The following GLIS3 variants were observed in gnomAD, a reference collection of about 807,000 sequenced individuals.
GLIS3 encodes zinc finger protein GLIS3.
In GLIS3, 53 loss-of-function variants were observed where a neutral mutation model predicts 78.6. The observed-to-expected ratio is 0.67, with a 90% confidence interval of 0.54 to 0.85. The LOEUF is 0.85. GLIS3 is among the 40% of genes least tolerant of loss of function. The pLI, the probability that GLIS3 is intolerant of heterozygous loss-of-function variation, is 0.00. For missense variants in GLIS3, 1,703 were observed against 1,231.1 expected (o/e 1.38, Z -5.74); for synonymous variants, 684 against 509.9 (o/e 1.34, Z -4.60).
intron 4 of GLIS3, among the ~76,000 whole-genome samples, chr9:4,049,165 A>G (rs1825499182): frequency 6.6e-6 from 1 of 152,210 alleles, no homozygotes; most frequent in South Asian, 2.1e-4. Flanking sequence ...CTGCACCTGG[A>G]TAGGAACTAC....
intron 4 of GLIS3, among the ~76,000 whole-genome samples, chr9:4,019,897 C>T (rs1433021964): frequency 6.6e-6 from 1 of 151,934 alleles, no homozygotes; most frequent in Middle Eastern, 3.2e-3. Context: ...AGGTGCATGC[C>T]ACTTAAAAAA....
the GLIS3 span, among the ~76,000 whole-genome samples, chr9:4,372,884 T>G: frequency 6.6e-6 from 1 of 152,196 alleles, no homozygotes; most frequent in East Asian, 1.9e-4. Context: ...GACTCCACCA[T>G]TCTTCCCCAG....
At chr9:4,334,749 T>C (rs1302824746) in intron 2 of GLIS3, among the ~76,000 whole-genome samples, 2 of 152,054 alleles carry the variant, frequency 1.3e-5, no homozygotes, top group Non-Finnish European at 2.9e-5. Flanking sequence ...CACACAAAGG[T>C]GCTACAGAAG....
intron 1 of GLIS3, among the ~76,000 whole-genome samples, chr9:4,298,818 G>A (rs1816846875): frequency 6.6e-6 from 1 of 152,160 alleles, no homozygotes; most frequent in Non-Finnish European, 1.5e-5. Context: ...GAGGAGTGTA[G>A]GTACCCTCAG....
intron 2 of GLIS3, among the ~76,000 whole-genome samples, chr9:4,338,011 A>G (rs1230504907): frequency 6.7e-6 from 1 of 149,046 alleles, no homozygotes; most frequent in Non-Finnish European, 1.5e-5. Context: ...TCTAACTGGT[A>G]AGATTGGCAA....
At chr9:4,236,054 T>C (rs1822704541) in intron 2 of GLIS3, among the ~76,000 whole-genome samples, 1 of 152,078 alleles carries the variant, frequency 6.6e-6, no homozygotes, top group African/African-American at 2.4e-5. Context: ...TCATTGTTCC[T>C]AGTAAAACAA....
intron 1 of GLIS3, among the ~76,000 whole-genome samples, chr9:4,287,405 C>T (rs1300503738): frequency 2.0e-5 from 3 of 152,174 alleles, no homozygotes; most frequent in South Asian, 2.1e-4. Context: ...ACGTCATCAC[C>T]CACCCACGTG....
the GLIS3 span, among the ~76,000 whole-genome samples, chr9:4,393,291 C>A: frequency 1.1e-3 from 160 of 152,194 alleles, 1 homozygote; most frequent in South Asian, 6.2e-3. Context: ...TGGCTTTTAT[C>A]CCCTAAGTCA....
chr9:4,047,183 C>T (rs528462584), intron 4 of GLIS3, among the ~76,000 whole-genome samples: 5 of 152,228 alleles, frequency 3.3e-5, no homozygotes, highest in Admixed American at 1.3e-4. Flanking sequence ...GATGGTTTCA[C>T]AAGGGGCTCT....
the GLIS3 span, among the ~76,000 whole-genome samples, chr9:4,379,099 T>C: frequency 6.6e-6 from 1 of 152,220 alleles, no homozygotes; most frequent in Admixed American, 6.5e-5. Flanking sequence ...CGTTATGTTA[T>C]CCATCCCACC....
chr9:4,433,283 T>G, the GLIS3 span, among the ~76,000 whole-genome samples: 607 of 152,090 alleles, frequency 4.0e-3, 4 homozygotes, highest in Middle Eastern at 0.02. Context: ...AATACAAAGA[T>G]TAGCTGGGCA....
chr9:3,983,916 C>A (rs1464103649), intron 4 of GLIS3, among the ~76,000 whole-genome samples: 2 of 152,196 alleles, frequency 1.3e-5, no homozygotes, highest in Non-Finnish European at 2.9e-5. Flanking sequence ...AAGCTGGCTG[C>A]AGAAATTTGC....
intron 4 of GLIS3, among the ~76,000 whole-genome samples, chr9:3,955,295 G>A (rs1817025160): frequency 6.6e-6 from 1 of 152,138 alleles, no homozygotes; most frequent in African/African-American, 2.4e-5. Flanking sequence ...GAAAGCTGAA[G>A]GTCAATTTGT....
the GLIS3 span, among the ~76,000 whole-genome samples, chr9:4,389,778 A>G: frequency 6.6e-6 from 1 of 152,184 alleles, no homozygotes; most frequent in African/African-American, 2.4e-5. Flanking sequence ...GCAGATGTCC[A>G]AGAGGGAGTG....
At chr9:4,179,410 A>G (rs1817097245) in intron 2 of GLIS3, among the ~76,000 whole-genome samples, 1 of 152,182 alleles carries the variant, frequency 6.6e-6, no homozygotes, top group South Asian at 2.1e-4. Flanking sequence ...GTCTTCTAAG[A>G]TTCCCTTATG....
the GLIS3 span, among the ~76,000 whole-genome samples, chr9:4,414,964 G>T: frequency 7.2e-5 from 11 of 151,844 alleles, no homozygotes; most frequent in Admixed American, 3.9e-4. Context: ...ATCCCCACTT[G>T]TTCTTGTATT....
At chr9:4,256,411 T>C (rs1824944408) in intron 2 of GLIS3, among the ~76,000 whole-genome samples, 1 of 152,110 alleles carries the variant, frequency 6.6e-6, no homozygotes. Context: ...ATCAATGAAA[T>C]CCAATTTAAA....
the GLIS3 span, among the ~76,000 whole-genome samples, chr9:4,459,756 C>A: frequency 1.3e-5 from 2 of 152,254 alleles, no homozygotes; most frequent in African/African-American, 4.8e-5. Context: ...CTGCAGTCAG[C>A]CATGTTCACA....
At chr9:4,130,085 G>T (rs1832862572) in intron 2 of GLIS3, among the ~76,000 whole-genome samples, 1 of 152,188 alleles carries the variant, frequency 6.6e-6, no homozygotes, top group African/African-American at 2.4e-5. Context: ...GTGATTTAGT[G>T]TATCTGGAGG....
Sources: gnomAD v4.1 joint callset for allele counts (sites outside exome capture counted in the v4.1 genomes callset) on GRCh38, gnomAD v4.1.1 for gene constraint, MANE v1.5 for transcripts, NCBI Gene and HGNC (gene_info 2026-07-23, HGNC 2026-07-21) for gene names.